Variants in XKR4 observed in about 807,000 individuals in gnomAD.
The protein encoded by XKR4 is XK related 4.
Under a neutral mutation model 53.9 loss-of-function variants are expected in XKR4, and 12 were observed. That is an observed-to-expected ratio of 0.22 (90% CI 0.14 to 0.36). The LOEUF (loss-of-function observed/expected upper bound fraction) is 0.36. Among genes scored for constraint, XKR4 ranks in the 10% least tolerant of loss-of-function variants. The probability of loss-of-function intolerance (pLI) is 1.00; values close to 1 mark genes in which losing one functional copy is unlikely to be tolerated. For missense variants in XKR4, 799 were observed against 859.5 expected (o/e 0.93, Z 0.88); for synonymous variants, 354 against 362.4 (o/e 0.98, Z 0.26).
Position 55,540,124 on chromosome 8 carries a change from T to C in XKR4, c.*15897T>C, listed in dbSNP as rs1370834955. Reference sequence around the variant, plus strand: ...CACATGGAACTCTCCAGAGCCCTCCTTGAAAGTTTTTAGAAAAACTACCAT... The same window carrying C: ...CACATGGAACTCTCCAGAGCCCTCCCTGAAAGTTTTTAGAAAAACTACCAT... On this transcript the variant is annotated 3_prime_UTR_variant, in exon 3 of 3. Transcript: ENST00000327381. 10 of 152,214 alleles carry C rather than the reference T, an allele frequency of 6.6e-5. No homozygotes were observed. Among genetic ancestry groups the C allele is most frequent in the Non-Finnish European group, 8.8e-5 (6 of 68,026 alleles). The allele number at this position is 152,214 out of a possible 1,614,324, so 9.4% of individuals were successfully genotyped here.
chr8:55,272,972 A>C, intron 1 of XKR4: 1 of 437,802 alleles, frequency 2.3e-6, no homozygotes, highest in Non-Finnish European at 4.5e-6. Flanking sequence ...AATTAACTGA[A>C]TTTTCAACAA....
In XKR4 at chr8:55,526,018, G is replaced by A. The variant is rs1026002376; in HGVS notation, c.*1791G>A. ...GTCAAGACTGGCCAATGTTTCCCAG[G>A]AAATCAAAGATGTAAATGATTACTT... is the stretch of plus-strand genomic sequence containing the variant. On this transcript the variant is annotated 3_prime_UTR_variant, in exon 3 of 3. Transcript: ENST00000327381. 1 of 152,534 alleles carries A rather than the reference G, an allele frequency of 6.6e-6. No homozygotes were observed. Among genetic ancestry groups the A allele is most frequent in the Admixed American group, 6.5e-5 (1 of 15,276 alleles). 9.4% of individuals were successfully genotyped at this position (152,534 alleles called of 1,614,324 possible).
At chr8:55,263,179 G>C (rs12543105) in intron 1 of XKR4, among the ~76,000 whole-genome samples, 1 of 152,256 alleles carries the variant, frequency 6.6e-6, no homozygotes, top group Non-Finnish European at 1.5e-5. Context: ...AACTAGAAAT[G>C]ACTTATGTTA....
In XKR4 at chr8:55,497,390, AT is replaced by A. The variant is rs564409442; in HGVS notation, c.1007-25884del. 3.7e-3 allele frequency among the ~76,000 whole-genome samples: 561 copies of A among 152,272 alleles called. 1 individual carries two copies. The highest frequency in any genetic ancestry group is 0.02 in the Middle Eastern group (6 of 294). ...TCATAACAGGCAGCTTATTGATTAT[AT>A]TTTTTTGACGTTTATAAAGTTGGGA... On this transcript the variant is annotated intron_variant, in intron 2 of 2. Coordinates refer to ENST00000327381, the MANE Select transcript of XKR4 (RefSeq NM_052898.2).
intron 2 of XKR4, among the ~76,000 whole-genome samples, chr8:55,438,590 G>GCCAAA (rs1554525578): frequency 1.0e-5 from 1 of 100,406 alleles, no homozygotes. Flanking sequence ...ACTCCATCTT[G>GCCAAA]AAAAAAAAAA....
chr8:55,345,600 TA>T (rs1803624563), intron 1 of XKR4, among the ~76,000 whole-genome samples: 1 of 152,100 alleles, frequency 6.6e-6, no homozygotes, highest in South Asian at 2.1e-4. Flanking sequence ...AAAGTGTGCT[TA>T]AAAAGGAAAA....
chr8:55,401,107 G>T (rs950190150), intron 2 of XKR4, among the ~76,000 whole-genome samples: 2 of 152,192 alleles, frequency 1.3e-5, no homozygotes, highest in Non-Finnish European at 2.9e-5. Flanking sequence ...GTCAGTAACC[G>T]TGGAGACACG....
chr8:55,304,126 G>T (rs1016883654), intron 1 of XKR4, among the ~76,000 whole-genome samples: 2 of 152,018 alleles, frequency 1.3e-5, no homozygotes, highest in African/African-American at 4.8e-5. Context: ...GCTTTCTCTT[G>T]TGGGCATTTA....
Position 55,537,966 on chromosome 8 carries a change from C to A in XKR4, c.*13739C>A, listed in dbSNP as rs796546748. Reference sequence around the variant, plus strand: ...GACAACCTATTGTCCTCCACAAAAGCATGAGTCATTTTATTCAGTGATCTT... The same window carrying A: ...GACAACCTATTGTCCTCCACAAAAGAATGAGTCATTTTATTCAGTGATCTT... On this transcript the variant is annotated 3_prime_UTR_variant, in exon 3 of 3. Transcript: ENST00000327381. 3 of 152,292 alleles carry A rather than the reference C, an allele frequency of 2.0e-5. No individual in the cohort carries two copies. The highest frequency in any genetic ancestry group is 7.2e-5 in the African/African-American group (3 of 41,562). 9.4% of individuals were successfully genotyped at this position (152,292 alleles called of 1,614,324 possible).
intron 2 of XKR4, among the ~76,000 whole-genome samples, chr8:55,469,409 T>A (rs1443006236): frequency 1.3e-5 from 2 of 152,146 alleles, no homozygotes; most frequent in African/African-American, 2.4e-5. Context: ...TTGCTATTAA[T>A]ATTTCCTCAT....
Position 55,240,415 on chromosome 8 carries a change from T to G in XKR4, c.807-117263T>G, listed in dbSNP as rs150225553. On this transcript the variant is annotated intron_variant, in intron 1 of 2. Transcript: ENST00000327381. ...TTTACAGACATAATGCTGAAGGACT[T>G]TGTCACTTATATTGATGAATTACGG... Among the ~76,000 whole-genome samples, 634 of 152,308 alleles carry G rather than the reference T, an allele frequency of 4.2e-3. 4 individuals are homozygous for G. Among genetic ancestry groups the G allele is most frequent in the African/African-American group, 0.014 (567 of 41,568 alleles).
At position 55,491,182 on chromosome 8, in the gene XKR4, A is replaced by G. The variant is rs777249907; in HGVS notation, c.1007-32099A>G. 5.3e-5 allele frequency among the ~76,000 whole-genome samples: 8 copies of G among 152,148 alleles called. No homozygotes were observed. In the East Asian group the frequency reaches 1.5e-3, roughly 29 times the overall value. On this transcript the variant is annotated intron_variant, in intron 2 of 2. Transcript: ENST00000327381. The stretch of plus-strand genomic sequence containing the variant: ...CACCTTTAAAGTTTCATTTGGCTCT[A>G]TTTTATATCTTTTCTTTCCTCATGA...
At chr8:55,457,351 G>A (rs1007003940) in intron 2 of XKR4, among the ~76,000 whole-genome samples, 1 of 151,964 alleles carries the variant, frequency 6.6e-6, no homozygotes, top group Non-Finnish European at 1.5e-5. Context: ...ACCATGTTAG[G>A]CAGGATGGTC....
intron 2 of XKR4, among the ~76,000 whole-genome samples, chr8:55,395,560 G>T (rs1197121943): frequency 6.6e-6 from 1 of 152,168 alleles, no homozygotes; most frequent in Non-Finnish European, 1.5e-5. Context: ...GGAATTCATA[G>T]ATAGGTGATG....
intron 2 of XKR4, among the ~76,000 whole-genome samples, chr8:55,439,920 C>T (rs897166815): frequency 7.9e-5 from 12 of 152,034 alleles, no homozygotes; most frequent in Admixed American, 5.2e-4. Context: ...GACATAGTAG[C>T]GTGAAGCTGC....
intron 1 of XKR4, among the ~76,000 whole-genome samples, chr8:55,145,736 T>C (rs933778647): frequency 2.0e-5 from 3 of 152,260 alleles, no homozygotes; most frequent in Non-Finnish European, 4.4e-5. Context: ...ATTACATGTA[T>C]GCTCATGAAA....
At chr8:55,324,413 A>T (rs537338900) in intron 1 of XKR4, among the ~76,000 whole-genome samples, 1 of 152,304 alleles carries the variant, frequency 6.6e-6, no homozygotes, top group South Asian at 2.1e-4. Flanking sequence ...TTTGCCCTTA[A>T]GAAGTGGCCA....
chr8:55,430,190 C>G (rs932171240), intron 2 of XKR4, among the ~76,000 whole-genome samples: 3 of 152,184 alleles, frequency 2.0e-5, no homozygotes, highest in Non-Finnish European at 2.9e-5. Flanking sequence ...ACCCCACACA[C>G]ATTGCTGATG....
At chr8:55,453,973 G>A (rs2929044) in intron 2 of XKR4, 299,337 of 722,844 alleles carry the variant, frequency 0.41, 64,581 homozygotes, top group East Asian at 0.48. Flanking sequence ...GGCCCAGGAA[G>A]GCTGCCTTAT....
Sources: allele counts gnomAD v4.1 joint callset (sites outside exome capture counted in the v4.1 genomes callset), GRCh38; gene constraint gnomAD v4.1.1; transcripts MANE v1.5; gene names NCBI Gene and HGNC (gene_info 2026-07-23, HGNC 2026-07-21).